CDC73: variants seen among roughly 807,000 people sequenced by gnomAD.
CDC73 encodes cell division cycle 73.
Under a neutral mutation model 83.7 loss-of-function variants are expected in CDC73, and 21 were observed. That is an observed-to-expected ratio of 0.25 (90% CI 0.18 to 0.36). CDC73 has a LOEUF of 0.36. Ranked by LOEUF, CDC73 falls within the 10% of genes least tolerant of loss-of-function variation. The probability of loss-of-function intolerance (pLI) is 1.00; values close to 1 mark genes in which losing one functional copy is unlikely to be tolerated. For missense variants in CDC73, 342 were observed against 653.3 expected (o/e 0.52, Z 5.19); for synonymous variants, 224 against 212.9 (o/e 1.05, Z -0.45).
chr1:193,253,818 A>C lies in CDC73; in HGVS notation c.*3106A>C, dbSNP rs141516447. The C allele has an allele frequency of 4.4e-6, 1 of 229,066 alleles. No homozygotes were observed. Among genetic ancestry groups the C allele is most frequent in the Non-Finnish European group, 8.6e-6 (1 of 115,636 alleles). The allele number at this position is 229,066 out of a possible 1,614,324, so 14.2% of individuals were successfully genotyped here. The stretch of plus-strand genomic sequence containing the variant: ...CTACACAGAAAAGTAAAAGTAAACT[A>C]TTCATTTAAATAAGATTCATTATCT... On this transcript the variant is annotated 3_prime_UTR_variant, in exon 17 of 17. Transcript: ENST00000367435.
At chr1:193,189,947 G>A (rs921681908) in intron 10 of CDC73, among the ~76,000 whole-genome samples, 1 of 152,160 alleles carries the variant, frequency 6.6e-6, no homozygotes, top group African/African-American at 2.4e-5. Context: ...GGTAGGGGGA[G>A]AGCACTTCAA....
intron 10 of CDC73, among the ~76,000 whole-genome samples, chr1:193,171,258 C>G (rs556287477): frequency 2.6e-4 from 39 of 152,150 alleles, no homozygotes; most frequent in Non-Finnish European, 4.4e-4. Flanking sequence ...TCTATTGTCA[C>G]AGTAATAAAT....
intron 10 of CDC73, among the ~76,000 whole-genome samples, chr1:193,199,897 GTAGA>G (rs1677060477): frequency 6.6e-6 from 1 of 151,870 alleles, no homozygotes; most frequent in South Asian, 2.1e-4. Context: ...CAACAGAAAA[GTAGA>G]TAGGAAACTC....
intron 10 of CDC73, among the ~76,000 whole-genome samples, chr1:193,189,022 T>A (rs1676875034): frequency 6.6e-6 from 1 of 151,830 alleles, no homozygotes; most frequent in Non-Finnish European, 1.5e-5. Flanking sequence ...GGCACGATCT[T>A]GTCTCACTGC....
chr1:193,205,195 T>TCCC (rs34118735), intron 11 of CDC73, among the ~76,000 whole-genome samples: 2 of 64,466 alleles, frequency 3.1e-5, no homozygotes, highest in African/African-American at 2.2e-4. Context: ...ATACCACCTG[T>TCCC]CCCCCCCCCC....
At chr1:193,173,800 AT>A (rs1481502200) in intron 10 of CDC73, among the ~76,000 whole-genome samples, 1 of 152,212 alleles carries the variant, frequency 6.6e-6, no homozygotes, top group Non-Finnish European at 1.5e-5. Flanking sequence ...TTAAAAACAC[AT>A]TTATGACATG....
At chr1:193,160,287 CAGAGT>C (rs1676286567) in intron 10 of CDC73, among the ~76,000 whole-genome samples, 1 of 152,004 alleles carries the variant, frequency 6.6e-6, no homozygotes, top group Non-Finnish European at 1.5e-5. Context: ...CCACGTATAT[CAGAGT>C]AATCTTGAAA....
intron 15 of CDC73, among the ~76,000 whole-genome samples, chr1:193,241,871 C>T (rs1677868815): frequency 6.6e-6 from 1 of 152,196 alleles, no homozygotes; most frequent in Non-Finnish European, 1.5e-5. Flanking sequence ...GGGTGTTCTT[C>T]AGGTCCTTGG....
intron 15 of CDC73, among the ~76,000 whole-genome samples, chr1:193,247,674 T>C (rs1677977276): frequency 6.6e-6 from 1 of 151,980 alleles, no homozygotes. Context: ...ACACAAATAA[T>C]AAGAAAGCAA....
At chr1:193,234,985 T>TA (rs1677732551) in intron 14 of CDC73, among the ~76,000 whole-genome samples, 1 of 152,158 alleles carries the variant, frequency 6.6e-6, no homozygotes, top group South Asian at 2.1e-4. Context: ...TGGCAGTTTT[T>TA]AATAGTTGTA....
At position 193,122,195 on chromosome 1, in the gene CDC73, G is replaced by T; in HGVS notation, c.-6G>T. 2 of 1,613,268 alleles carry T rather than the reference G, an allele frequency of 1.2e-6. No individual in the cohort carries two copies. The highest frequency in any genetic ancestry group is 1.1e-5 in the South Asian group (1 of 91,080). ...CCCCGAGCCGGCGGAGGCGAGGGGG[G>T]GGAAGATGGCGGACGTGCTTAGCGT... On this transcript the variant is annotated 5_prime_UTR_variant, in exon 1 of 17. Coordinates refer to ENST00000367435, the MANE Select transcript of CDC73 (RefSeq NM_024529.5).
At chr1:193,233,178 T>C (rs1044953213) in intron 14 of CDC73, 24 bp downstream of exon 14, 14 of 1,592,046 alleles carry the variant, frequency 8.8e-6, no homozygotes, top group Non-Finnish European at 1.2e-5. Flanking sequence ...TATATATATA[T>C]CTTTTCACAG....
Position 193,253,151 on chromosome 1 carries a change from TC to T in CDC73, c.*2440del, listed in dbSNP as rs1678070766. On this transcript the variant is annotated 3_prime_UTR_variant, in exon 17 of 17. Coordinates refer to ENST00000367435, the MANE Select transcript of CDC73 (RefSeq NM_024529.5). ...ACAGTAAGAAATATGTAGGTTTCAA[TC>T]AGTTGCTCTCAACCCTGACTGCATT... 2 of 232,318 alleles carry T rather than the reference TC, an allele frequency of 8.6e-6. No individual in the cohort carries two copies. Among genetic ancestry groups the T allele is most frequent in the African/African-American group, 2.2e-5 (1 of 45,322 alleles). The allele number at this position is 232,318 out of a possible 1,614,324, so 14.4% of individuals were successfully genotyped here.
chr1:193,217,862 G>A (rs1161065544), intron 13 of CDC73, among the ~76,000 whole-genome samples: 1 of 152,086 alleles, frequency 6.6e-6, no homozygotes, highest in African/African-American at 2.4e-5. Flanking sequence ...AAGGGACCAT[G>A]CTCTTGCCTT....
chr1:193,243,851 G>C (rs1677904084), intron 15 of CDC73, among the ~76,000 whole-genome samples: 1 of 151,904 alleles, frequency 6.6e-6, no homozygotes, highest in Non-Finnish European at 1.5e-5. Flanking sequence ...TTATTTTTCT[G>C]GGCACAAATT....
chr1:193,177,248 G>A (rs949960256), intron 10 of CDC73, among the ~76,000 whole-genome samples: 1 of 151,326 alleles, frequency 6.6e-6, no homozygotes, highest in South Asian at 2.1e-4. Flanking sequence ...CCTCGGCCGG[G>A]CGCGGTGGCT....
intron 7 of CDC73, among the ~76,000 whole-genome samples, chr1:193,145,157 A>G (rs1675974604): frequency 6.6e-6 from 1 of 152,222 alleles, no homozygotes; most frequent in African/African-American, 2.4e-5. Context: ...ATGCTGTCAC[A>G]AATCATGCAT....
rs1676127851 is a variant in CDC73, at chr1:193,152,298, T to G, written c.908-82T>G. The G allele has an allele frequency of 2.9e-5, 25 of 850,390 alleles. No homozygotes were observed. The South Asian group carries it at 3.3e-4, about 11-fold the overall frequency. 52.7% of individuals were successfully genotyped at this position (850,390 alleles called of 1,614,324 possible). A position where few individuals can be genotyped will look rare whatever the true frequency, so the allele number is the denominator to read the frequency against. ...TATTATTGAACCATCACATTCAATG[T>G]AGATTATTACTTTAGATTTGTTATA... On this transcript the variant is annotated intron_variant, in intron 9 of 16. Coordinates refer to ENST00000367435, the MANE Select transcript of CDC73 (RefSeq NM_024529.5).
chr1:193,232,704 C>T (rs976678530), intron 13 of CDC73, among the ~76,000 whole-genome samples: 2 of 151,972 alleles, frequency 1.3e-5, no homozygotes, highest in Non-Finnish European at 2.9e-5. Flanking sequence ...AGTTCGAGAC[C>T]AGCCTGACCA....
Sources: allele counts gnomAD v4.1 joint callset (sites outside exome capture counted in the v4.1 genomes callset), GRCh38; gene constraint gnomAD v4.1.1; transcripts MANE v1.5; gene names NCBI Gene and HGNC (gene_info 2026-07-23, HGNC 2026-07-21).